Variants in MICU1 observed in about 807,000 individuals in gnomAD.
MICU1 encodes the protein calcium uptake protein 1, mitochondrial.
MICU1 carries 45 observed loss-of-function variants against 56.8 expected under a neutral mutation model. The ratio of observed to expected loss-of-function variants is 0.79; its 90% CI spans 0.62 to 1.02. The LOEUF (loss-of-function observed/expected upper bound fraction) is 1.02, where lower values mean the gene tolerates loss of function less well. Ranked by LOEUF, MICU1 falls within the 50% of genes least tolerant of loss-of-function variation. The pLI, the probability that MICU1 is intolerant of heterozygous loss-of-function variation, is 0.00. For synonymous variants in MICU1, 186 were observed against 195.1 expected, an observed-to-expected ratio of 0.95 and a Z score of 0.39; for missense variants, 504 against 587.1, an observed-to-expected ratio of 0.86 and a Z score of 1.46.
intron 8 of MICU1, among the ~76,000 whole-genome samples, chr10:72,472,742 A>AT (rs1292906071): frequency 2.6e-5 from 4 of 152,210 alleles, no homozygotes; most frequent in Non-Finnish European, 5.9e-5. Context: ...AACAAAACCA[A>AT]TGTTACCATA....
At chr10:72,609,943 A>G (rs1053816600) in intron 1 of MICU1, among the ~76,000 whole-genome samples, 3 of 150,910 alleles carry the variant, frequency 2.0e-5, no homozygotes, top group Non-Finnish European at 2.9e-5. Flanking sequence ...GCTGAGGCAG[A>G]GAGTTGCTTA....
At chr10:72,452,901 G>A (rs1865342944) in intron 8 of MICU1, among the ~76,000 whole-genome samples, 1 of 151,568 alleles carries the variant, frequency 6.6e-6, no homozygotes, top group South Asian at 2.1e-4. Context: ...CGGACCTAGT[G>A]ACTGCTGAAA....
chr10:72,492,891 T>C (rs1589274575), intron 6 of MICU1, among the ~76,000 whole-genome samples: 2 of 151,576 alleles, frequency 1.3e-5, no homozygotes, highest in Non-Finnish European at 2.9e-5. Context: ...CCGAGGCGAG[T>C]GGATCACTTG....
At chr10:72,495,591 G>A (rs947617431) in intron 6 of MICU1, among the ~76,000 whole-genome samples, 2 of 148,926 alleles carry the variant, frequency 1.3e-5, no homozygotes, top group South Asian at 4.3e-4. Flanking sequence ...GGAGGCAGAG[G>A]TTGCAGTGAG....
intron 4 of MICU1, 49 bp downstream of exon 4, chr10:72,551,130 C>G: frequency 6.6e-7 from 1 of 1,523,816 alleles, no homozygotes; most frequent in Non-Finnish European, 8.8e-7. Flanking sequence ...ACAAAGTAGC[C>G]TATAACAAAA....
chr10:72,394,884 G>T (rs377686624), intron 10 of MICU1, among the ~76,000 whole-genome samples: 42 of 151,514 alleles, frequency 2.8e-4, no homozygotes, highest in Non-Finnish European at 5.3e-4. Flanking sequence ...TTTTCTTTTA[G>T]AAACCTAACT....
At chr10:72,461,707 T>C (rs1294250051) in intron 8 of MICU1, among the ~76,000 whole-genome samples, 4 of 152,226 alleles carry the variant, frequency 2.6e-5, no homozygotes, top group African/African-American at 4.8e-5. Flanking sequence ...CCCAGCACTT[T>C]GGGAGGCCAA....
At chr10:72,552,552 TA>T (rs1840060250) in intron 3 of MICU1, among the ~76,000 whole-genome samples, 2 of 152,146 alleles carry the variant, frequency 1.3e-5, no homozygotes, top group Admixed American at 6.5e-5. Context: ...TATTTTATTT[TA>T]TTTATTTATT....
At chr10:72,559,270 G>A (rs1653409801) in intron 3 of MICU1, among the ~76,000 whole-genome samples, 1 of 152,094 alleles carries the variant, frequency 6.6e-6, no homozygotes, top group African/African-American at 2.4e-5. Flanking sequence ...AGATGGGGGA[G>A]GAAAGGGACT....
At chr10:72,623,350 G>C (rs1054231576) in intron 1 of MICU1, among the ~76,000 whole-genome samples, 9 of 141,032 alleles carry the variant, frequency 6.4e-5, no homozygotes, top group African/African-American at 2.4e-4. Flanking sequence ...AAGGGGAGGG[G>C]AGGGAGAAAG....
chr10:72,475,728 C>A (rs1048562956), intron 7 of MICU1: 3 of 394,010 alleles, frequency 7.6e-6, no homozygotes, highest in Non-Finnish European at 1.5e-5. Flanking sequence ...CGCGCCCAGC[C>A]TACAATAATC....
intron 3 of MICU1, among the ~76,000 whole-genome samples, chr10:72,559,091 G>A (rs963088853): frequency 6.6e-6 from 1 of 152,126 alleles, no homozygotes; most frequent in African/African-American, 2.4e-5. Context: ...CAGAGGCTGA[G>A]ACAGCAGAAT....
At chr10:72,486,596 C>G (rs1278451613) in intron 6 of MICU1, among the ~76,000 whole-genome samples, 1 of 152,182 alleles carries the variant, frequency 6.6e-6, no homozygotes, top group Non-Finnish European at 1.5e-5. Context: ...GTCAGCCTCT[C>G]AAGTAGCTGA....
At chr10:72,466,870 C>T (rs1865808834) in intron 8 of MICU1, among the ~76,000 whole-genome samples, 1 of 152,148 alleles carries the variant, frequency 6.6e-6, no homozygotes, top group Non-Finnish European at 1.5e-5. Context: ...AAGATGTCAA[C>T]TTGATGATTT....
intron 4 of MICU1, among the ~76,000 whole-genome samples, chr10:72,547,493 ACTAT>A (rs1839924750): frequency 6.6e-6 from 1 of 150,806 alleles, no homozygotes; most frequent in African/African-American, 2.4e-5. Flanking sequence ...CTAACTCATC[ACTAT>A]CAATCAATAC....
intron 8 of MICU1, among the ~76,000 whole-genome samples, chr10:72,428,397 T>A (rs903581487): frequency 3.3e-5 from 5 of 152,234 alleles, no homozygotes; most frequent in African/African-American, 1.2e-4. Flanking sequence ...CTGCAACCTC[T>A]GCCTCCCAGG....
At chr10:72,522,499 C>T (rs1226272859) in intron 5 of MICU1, among the ~76,000 whole-genome samples, 5 of 152,098 alleles carry the variant, frequency 3.3e-5, no homozygotes, top group Non-Finnish European at 5.9e-5. Flanking sequence ...TCCTTTGGCA[C>T]ACTTAATGAT....
chr10:72,607,365 G>T (rs917333964), intron 1 of MICU1, among the ~76,000 whole-genome samples: 1 of 143,098 alleles, frequency 7.0e-6, no homozygotes, highest in Non-Finnish European at 1.5e-5. Context: ...AGGGAGCTGG[G>T]CGCAGTGGCT....
intron 5 of MICU1, among the ~76,000 whole-genome samples, chr10:72,530,951 T>C (rs925783245): frequency 1.3e-5 from 2 of 152,214 alleles, no homozygotes; most frequent in Admixed American, 6.5e-5. Flanking sequence ...GGTTCCATTA[T>C]TCAGGTAGAA....
Sources: gnomAD v4.1 joint callset for allele counts (sites outside exome capture counted in the v4.1 genomes callset) on GRCh38, gnomAD v4.1.1 for gene constraint, MANE v1.5 for transcripts, NCBI Gene and HGNC (gene_info 2026-07-23, HGNC 2026-07-21) for gene names.